Variants in QKI observed in about 807,000 individuals in gnomAD.
QKI encodes the protein QKI, KH domain containing RNA binding, also known as KH domain-containing RNA-binding protein QKI.
QKI carries 10 observed loss-of-function variants against 39.0 expected under a neutral mutation model. That is an observed-to-expected ratio of 0.26 (90% CI 0.16 to 0.43). The LOEUF is 0.43. Ranked by LOEUF, QKI falls within the 20% of genes least tolerant of loss-of-function variation. QKI has a pLI of 1.00. For missense variants in QKI, 218 were observed against 428.0 expected, an observed-to-expected ratio of 0.51 and a Z score of 4.33; for synonymous variants, 204 against 155.4, an observed-to-expected ratio of 1.31 and a Z score of -2.33.
chr6:163,465,074 A>C (rs2759399), intron 2 of QKI, among the ~76,000 whole-genome samples: 1 of 152,024 alleles, frequency 6.6e-6, no homozygotes, highest in African/African-American at 2.4e-5. Context: ...CAGAATGAAA[A>C]ATAAAAACCA....
intron 4 of QKI, among the ~76,000 whole-genome samples, chr6:163,551,549 C>T (rs1782235084): frequency 6.6e-6 from 1 of 152,224 alleles, no homozygotes; most frequent in Admixed American, 6.5e-5. Flanking sequence ...TTAATTACCT[C>T]CTCTGGTGTT....
intron 7 of QKI, chr6:163,567,054 T>G (rs1481101207): frequency 2.7e-6 from 3 of 1,100,818 alleles, no homozygotes; most frequent in African/African-American, 3.3e-5. Flanking sequence ...CATAAATTAG[T>G]CAATTTGGGG....
At chr6:163,484,104 T>A (rs1793287968) in intron 3 of QKI, among the ~76,000 whole-genome samples, 2 of 152,198 alleles carry the variant, frequency 1.3e-5, no homozygotes, top group Admixed American at 6.5e-5. Flanking sequence ...GAGCAATATG[T>A]CTCAACAGTA....
intron 1 of QKI, among the ~76,000 whole-genome samples, chr6:163,419,780 G>A (rs1194688706): frequency 6.6e-6 from 1 of 152,184 alleles, no homozygotes; most frequent in Non-Finnish European, 1.5e-5. Flanking sequence ...CTGTAACACA[G>A]TTGAGTTGAT....
At chr6:163,461,247 C>T (rs1791327919) in intron 2 of QKI, among the ~76,000 whole-genome samples, 1 of 152,076 alleles carries the variant, frequency 6.6e-6, no homozygotes, top group Non-Finnish European at 1.5e-5. Context: ...TTGGGATATA[C>T]CACATTTCTT....
At position 163,556,940 on chromosome 6, in the gene QKI, G is replaced by C. The variant is rs147941708; in HGVS notation, c.547-5042G>C. 2.8e-4 allele frequency among the ~76,000 whole-genome samples: 43 copies of C among 152,180 alleles called. No individual in the cohort carries two copies. In the East Asian group the frequency reaches 7.9e-3, roughly 28 times the overall value. On this transcript the variant is annotated intron_variant, in intron 4 of 7. Transcript: ENST00000361752. ...CATAATATTTTCCATACAAATACAAGGGAAATATTCATCTGCCCTATGACC... is the reference window on the plus strand; with the variant it reads ...CATAATATTTTCCATACAAATACAACGGAAATATTCATCTGCCCTATGACC...
intron 2 of QKI, 90 bp downstream of exon 2, chr6:163,455,511 TA>T: frequency 7.7e-7 from 1 of 1,294,424 alleles, no homozygotes; most frequent in Admixed American, 2.3e-5. Context: ...TAAGCATTAT[TA>T]GCCACTTTAA....
At chr6:163,559,816 G>A (rs567440682) in intron 4 of QKI, among the ~76,000 whole-genome samples, 2 of 152,292 alleles carry the variant, frequency 1.3e-5, no homozygotes, top group South Asian at 2.1e-4. Flanking sequence ...ATAGAAAGGA[G>A]CACTGAGAAG....
At chr6:163,500,222 T>G (rs1251305841) in intron 3 of QKI, among the ~76,000 whole-genome samples, 5 of 152,184 alleles carry the variant, frequency 3.3e-5, no homozygotes, top group Non-Finnish European at 7.3e-5. Flanking sequence ...AGTTGATGGT[T>G]TTAAGCAGAG....
chr6:163,503,806 C>A (rs1446498134), intron 3 of QKI, among the ~76,000 whole-genome samples: 1 of 151,982 alleles, frequency 6.6e-6, no homozygotes, highest in African/African-American at 2.4e-5. Flanking sequence ...GTGGCTCGAT[C>A]TTGGCTCACT....
intron 4 of QKI, among the ~76,000 whole-genome samples, chr6:163,550,256 G>A (rs1424973653): frequency 2.6e-5 from 4 of 152,136 alleles, no homozygotes; most frequent in South Asian, 2.1e-4. Flanking sequence ...TGGTAAGGGG[G>A]TAAGTGAGCT....
intron 3 of QKI, among the ~76,000 whole-genome samples, chr6:163,492,501 G>A (rs1003765103): frequency 7.2e-5 from 11 of 151,984 alleles, no homozygotes; most frequent in Non-Finnish European, 1.5e-4. Context: ...GAATTGTTAC[G>A]TTTAACTATT....
At chr6:163,439,385 T>G (rs1371628593) in intron 1 of QKI, among the ~76,000 whole-genome samples, 3 of 150,052 alleles carry the variant, frequency 2.0e-5, no homozygotes, top group African/African-American at 4.9e-5. Context: ...TCTCACTCTG[T>G]TGCCCAGGCT....
chr6:163,427,377 A>G (rs535599614), intron 1 of QKI, among the ~76,000 whole-genome samples: 84 of 151,870 alleles, frequency 5.5e-4, no homozygotes, highest in African/African-American at 2.0e-3. Flanking sequence ...TATTACTAAT[A>G]GCAGTAAAAC....
At chr6:163,420,326 GATTT>G (rs1444260819) in intron 1 of QKI, among the ~76,000 whole-genome samples, 1 of 151,670 alleles carries the variant, frequency 6.6e-6, no homozygotes, top group Non-Finnish European at 1.5e-5. Context: ...ACATTTGTTT[GATTT>G]ATTTGTTTGA....
chr6:163,430,486 A>G (rs1439088857), intron 1 of QKI, among the ~76,000 whole-genome samples: 1 of 151,838 alleles, frequency 6.6e-6, no homozygotes, highest in East Asian at 1.9e-4. Flanking sequence ...CTTAGCTTTT[A>G]TTATGAAGCC....
At chr6:163,555,509 CAA>C (rs55958646) in intron 4 of QKI, among the ~76,000 whole-genome samples, 60 of 79,382 alleles carry the variant, frequency 7.6e-4, no homozygotes, top group East Asian at 2.8e-3. Context: ...AACTCCAGCT[CAA>C]AAAAAAAAAA....
At chr6:163,554,160 A>G (rs1395345229) in intron 4 of QKI, among the ~76,000 whole-genome samples, 2 of 152,186 alleles carry the variant, frequency 1.3e-5, no homozygotes, top group Non-Finnish European at 1.5e-5. Flanking sequence ...TCTGGTGTGC[A>G]TGGAGGGAAG....
At chr6:163,507,567 A>G (rs1779174443) in intron 3 of QKI, among the ~76,000 whole-genome samples, 1 of 152,228 alleles carries the variant, frequency 6.6e-6, no homozygotes, top group African/African-American at 2.4e-5. Context: ...AAGAAGGGAA[A>G]GAAAAGAGAA....
Sources: allele counts gnomAD v4.1 joint callset (sites outside exome capture counted in the v4.1 genomes callset), GRCh38; gene constraint gnomAD v4.1.1; transcripts MANE v1.5; gene names NCBI Gene and HGNC (gene_info 2026-07-23, HGNC 2026-07-21).